TOX2: variants seen among roughly 807,000 people sequenced by gnomAD.
TOX2 encodes granulosa cell HMG box 1.
Under a neutral mutation model 47.4 loss-of-function variants are expected in TOX2, and 15 were observed. The ratio of observed to expected loss-of-function variants is 0.32; its 90% CI spans 0.21 to 0.49. TOX2 has a LOEUF of 0.49. Among genes scored for constraint, TOX2 ranks in the 20% least tolerant of loss-of-function variants. The probability of loss-of-function intolerance (pLI) is 0.99; values close to 1 mark genes in which losing one functional copy is unlikely to be tolerated. For synonymous variants in TOX2, 290 were observed against 296.6 expected (o/e 0.98, Z 0.23); for missense variants, 622 against 673.1 (o/e 0.92, Z 0.84).
chr20:44,007,536 T>C (rs1033337656), intron 3 of TOX2: 2 of 152,168 alleles, frequency 1.3e-5, no homozygotes, highest in Non-Finnish European at 2.9e-5. Context: ...CAAGACCCTA[T>C]CACGAAAAGA....
chr20:43,941,116 A>G (rs915864042), intron 1 of TOX2, among the ~76,000 whole-genome samples: 1 of 152,080 alleles, frequency 6.6e-6, no homozygotes, highest in Non-Finnish European at 1.5e-5. Context: ...TTAGTCAGTT[A>G]CTATTAAGGT....
Position 43,945,815 on chromosome 20 carries a change from G to T in TOX2, c.100-27552G>T. 6 of 1,521,442 alleles carry T rather than the reference G, an allele frequency of 3.9e-6. No homozygotes were observed. The South Asian group carries it at 4.6e-5, about 12-fold the overall frequency. The allele number at this position is 1,521,442 out of a possible 1,614,324, so 94.2% of individuals were successfully genotyped here. ...ACCTTATACGAATGGGATGGGGGGT[G>T]GGGGTGCTGGGCCTCCAGCCAATAG... is the stretch of plus-strand genomic sequence containing the variant. On this transcript the variant is annotated intron_variant, in intron 1 of 8. Coordinates refer to ENST00000341197, the MANE Select transcript of TOX2 (RefSeq NM_001098797.2).
Position 44,068,908 on chromosome 20 carries a change from C to T in TOX2, c.*222C>T, listed in dbSNP as rs762676090. On this transcript the variant is annotated 3_prime_UTR_variant, in exon 9 of 9. Transcript: ENST00000341197. ...GCCCAAAGAACCTGCAGGAACCTTC[C>T]GCCCGCTGACCTGCTTGCTCCAGGG... is the stretch of plus-strand genomic sequence containing the variant. 33 of 703,382 alleles carry T rather than the reference C, an allele frequency of 4.7e-5. No homozygotes were observed. The highest frequency in any genetic ancestry group is 2.3e-4 in the Middle Eastern group (1 of 4,284). The allele number at this position is 703,382 out of a possible 1,614,324, so 43.6% of individuals were successfully genotyped here.
chr20:44,035,155 C>T (rs998250576), intron 3 of TOX2, among the ~76,000 whole-genome samples: 9 of 152,248 alleles, frequency 5.9e-5, no homozygotes, highest in Admixed American at 5.2e-4. Flanking sequence ...CTCTCAACTG[C>T]CTCATCCATG....
At chr20:43,986,706 C>A (rs761373175) in intron 2 of TOX2, among the ~76,000 whole-genome samples, 1 of 152,102 alleles carries the variant, frequency 6.6e-6, no homozygotes, top group Non-Finnish European at 1.5e-5. Flanking sequence ...ACCATAGATG[C>A]CATTTTGCAG....
rs145543261 is a variant in TOX2, at chr20:44,033,927, C to T, written c.412-17379C>T. Among the ~76,000 whole-genome samples the T allele has an allele frequency of 1.2e-3, 188 of 152,282 alleles. 1 individual carries two copies. The highest frequency in any genetic ancestry group is 4.2e-3 in the African/African-American group (174 of 41,558). On this transcript the variant is annotated intron_variant, in intron 3 of 8. Transcript: ENST00000341197. ...GCCTTCTCAGAGGACTGAGACGTGTCGACTTTCACTGGGGAGGCAGATATG... is the reference window on the plus strand; with the variant it reads ...GCCTTCTCAGAGGACTGAGACGTGTTGACTTTCACTGGGGAGGCAGATATG...
intron 5 of TOX2, among the ~76,000 whole-genome samples, chr20:44,060,220 C>T (rs529850020): frequency 1.3e-5 from 2 of 152,208 alleles, no homozygotes; most frequent in African/African-American, 2.4e-5. Flanking sequence ...AATTTATATG[C>T]ATCTAACATT....
intron 1 of TOX2, among the ~76,000 whole-genome samples, chr20:43,969,480 A>G (rs1030155672): frequency 6.6e-6 from 1 of 152,208 alleles, no homozygotes; most frequent in Non-Finnish European, 1.5e-5. Flanking sequence ...TCATTTAGCC[A>G]GAAAAGGTCC....
chr20:44,047,405 C>G (rs1036536306), intron 3 of TOX2, among the ~76,000 whole-genome samples: 3 of 152,172 alleles, frequency 2.0e-5, no homozygotes, highest in Admixed American at 6.5e-5. Flanking sequence ...ATGTAAAAAA[C>G]AACATATGCT....
intron 5 of TOX2, among the ~76,000 whole-genome samples, chr20:44,062,396 A>AAATG (rs1350741796): frequency 2.0e-5 from 3 of 149,098 alleles, no homozygotes; most frequent in Non-Finnish European, 3.0e-5. Context: ...ATAAATAAAT[A>AAATG]AATAAATAAA....
chr20:44,029,382 C>A (rs1443864858), intron 3 of TOX2, among the ~76,000 whole-genome samples: 2 of 152,154 alleles, frequency 1.3e-5, no homozygotes, highest in African/African-American at 4.8e-5. Flanking sequence ...CTGCACCATG[C>A]CCCTCTGCCC....
chr20:43,914,968 T>C lies in TOX2; in HGVS notation c.77T>C (p.Leu26Pro). Residue 26 changes from leucine to proline, a missense_variant, in exon 1 of 9, where the codon CTG becomes CCG. Transcript: ENST00000341197. This position sits in a 1 kb window ranked among gnomAD's most constrained non-coding sequence, Gnocchi z 4.5. ...GCCGAGCCGGCCGGCCTGGCGCACC[T>C]GGACTATTACCACGGCGGCAAGGTA... ...PGAEPAGLAH[L>P]DYYHGGKFDG... 18 of 1,253,502 alleles carry C rather than the reference T, an allele frequency of 1.4e-5. No homozygotes were observed. Among genetic ancestry groups the C allele is most frequent in the South Asian group, 7.7e-5 (3 of 39,198 alleles). 77.6% of individuals were successfully genotyped at this position (1,253,502 alleles called of 1,614,324 possible).
At chr20:43,991,445 T>C (rs6124611) in intron 2 of TOX2, among the ~76,000 whole-genome samples, 27,733 of 152,012 alleles carry the variant, frequency 0.18, 2,944 homozygotes, top group East Asian at 0.28. Flanking sequence ...GAGACGAAAC[T>C]GTGAACAAAG....
At chr20:44,004,314 G>A (rs1371820875) in intron 2 of TOX2, among the ~76,000 whole-genome samples, 6 of 152,160 alleles carry the variant, frequency 3.9e-5, no homozygotes, top group South Asian at 2.1e-4. Context: ...GATGAGAATC[G>A]AAACCCAGAC....
intron 3 of TOX2, among the ~76,000 whole-genome samples, chr20:44,035,802 G>A (rs532129094): frequency 3.9e-5 from 6 of 152,348 alleles, no homozygotes; most frequent in Admixed American, 2.0e-4. Flanking sequence ...AACAGACTCC[G>A]AGATGGAGAT....
chr20:44,060,598 A>G (rs2071699359), intron 5 of TOX2, among the ~76,000 whole-genome samples: 1 of 152,176 alleles, frequency 6.6e-6, no homozygotes, highest in Non-Finnish European at 1.5e-5. Context: ...TCAACTCCAA[A>G]AGGAACCCTC....
chr20:44,064,972 T>G, intron 6 of TOX2, 115 bp downstream of exon 6: 1 of 920,852 alleles, frequency 1.1e-6, no homozygotes, highest in Non-Finnish European at 1.7e-6. Flanking sequence ...AAAGAATGGC[T>G]CAGACCTACA....
At position 43,925,940 on chromosome 20, in the gene TOX2, A is replaced by G. The variant is rs114691127; in HGVS notation, c.99+10950A>G. Among the ~76,000 whole-genome samples, 1,177 of 152,290 alleles carry G rather than the reference A, an allele frequency of 7.7e-3. 13 individuals carry two copies. The highest frequency in any genetic ancestry group is 0.027 in the African/African-American group (1,129 of 41,560). ...CTTGCTCTGCAGCTGTCAGGGTGCC[A>G]GGGGGAGCTCACTTCCTCCTGCTGC... is the stretch of plus-strand genomic sequence containing the variant. On this transcript the variant is annotated intron_variant, in intron 1 of 8. Transcript: ENST00000341197.
intron 3 of TOX2, among the ~76,000 whole-genome samples, chr20:44,048,417 T>TATATATATATATATATATATATATAA (rs1388097590): frequency 1.4e-5 from 2 of 139,604 alleles, no homozygotes; most frequent in African/African-American, 5.3e-5. Flanking sequence ...TATATATGTA[T>TATATATATATATATATATATATATAA]AATTTACCAA....
Sources: gnomAD v4.1 joint callset for allele counts (sites outside exome capture counted in the v4.1 genomes callset) on GRCh38, gnomAD v4.1.1 for gene constraint, Gnocchi (gnomAD v3.1) non-coding constraint, MANE v1.5 for transcripts, NCBI Gene and HGNC (gene_info 2026-07-23, HGNC 2026-07-21) for gene names.